Variants in PPP6R3 observed in about 807,000 individuals in gnomAD.
PPP6R3 encodes the protein protein phosphatase 6 regulatory subunit 3.
A neutral mutation model predicts 110.7 loss-of-function variants in PPP6R3; 38 were observed. The ratio of observed to expected loss-of-function variants is 0.34; its 90% CI spans 0.26 to 0.45. The LOEUF (loss-of-function observed/expected upper bound fraction) is 0.45. Among genes scored for constraint, PPP6R3 ranks in the 20% least tolerant of loss-of-function variants. The pLI, the probability that PPP6R3 is intolerant of heterozygous loss-of-function variation, is 1.00. For synonymous variants in PPP6R3, 369 were observed against 373.5 expected, an observed-to-expected ratio of 0.99 and a Z score of 0.14; for missense variants, 870 against 1,062.4, an observed-to-expected ratio of 0.82 and a Z score of 2.52.
intron 1 of PPP6R3, among the ~76,000 whole-genome samples, chr11:68,480,320 TTGATGAG>T (rs1404064906): frequency 2.6e-5 from 4 of 152,242 alleles, no homozygotes; most frequent in Non-Finnish European, 5.9e-5. Context: ...ATGCTCTAAT[TTGATGAG>T]AATGGCCAAA....
intron 1 of PPP6R3, among the ~76,000 whole-genome samples, chr11:68,485,777 C>G (rs2098943058): frequency 6.6e-6 from 1 of 152,156 alleles, no homozygotes; most frequent in Non-Finnish European, 1.5e-5. Context: ...TCACTGCAGC[C>G]TTGGCCTCCT....
chr11:68,527,530 C>T (rs2099205791), intron 2 of PPP6R3, among the ~76,000 whole-genome samples: 1 of 152,206 alleles, frequency 6.6e-6, no homozygotes, highest in South Asian at 2.1e-4. Flanking sequence ...CTGTCCTTCA[C>T]CTTTGTAGGA....
At chr11:68,517,478 A>G (rs1055283209) in intron 1 of PPP6R3, among the ~76,000 whole-genome samples, 1 of 152,188 alleles carries the variant, frequency 6.6e-6, no homozygotes, top group Non-Finnish European at 1.5e-5. Flanking sequence ...GACTCCTTGG[A>G]GAAATGGCAG....
intron 8 of PPP6R3, among the ~76,000 whole-genome samples, chr11:68,562,182 C>T (rs576092088): frequency 4.1e-4 from 62 of 152,116 alleles, no homozygotes; most frequent in African/African-American, 1.3e-3. Flanking sequence ...GAAATTTTTT[C>T]GAAGTATTAT....
At chr11:68,569,261 C>G (rs976574996) in intron 10 of PPP6R3, among the ~76,000 whole-genome samples, 7 of 152,144 alleles carry the variant, frequency 4.6e-5, no homozygotes, top group African/African-American at 1.7e-4. Flanking sequence ...GGCTCTAAAG[C>G]AATACTTCAC....
chr11:68,519,869 G>T (rs1036496675), intron 2 of PPP6R3, among the ~76,000 whole-genome samples: 1 of 152,120 alleles, frequency 6.6e-6, no homozygotes, highest in African/African-American at 2.4e-5. Context: ...GAACTCAAGG[G>T]ATTCTAAGCT....
chr11:68,507,162 C>T (rs1484227024), intron 1 of PPP6R3, among the ~76,000 whole-genome samples: 1 of 151,344 alleles, frequency 6.6e-6, no homozygotes, highest in Admixed American at 6.6e-5. Flanking sequence ...ACTTCAAGTA[C>T]TTTACATACA....
chr11:68,612,506 A>G (rs780206047), intron 23 of PPP6R3, among the ~76,000 whole-genome samples: 4 of 151,822 alleles, frequency 2.6e-5, no homozygotes, highest in Non-Finnish European at 4.4e-5. Flanking sequence ...ATACTGTCCC[A>G]CCTGTTATTC....
chr11:68,562,473 C>A (rs1452033054), intron 8 of PPP6R3, among the ~76,000 whole-genome samples: 3 of 151,986 alleles, frequency 2.0e-5, no homozygotes, highest in Non-Finnish European at 4.4e-5. Flanking sequence ...GTACAGTAGC[C>A]AAAACAATTT....
At chr11:68,525,622 G>A (rs773024038) in intron 2 of PPP6R3, among the ~76,000 whole-genome samples, 1 of 152,184 alleles carries the variant, frequency 6.6e-6, no homozygotes, top group Admixed American at 6.5e-5. Context: ...AAGGAAGATT[G>A]ACGATAATAG....
At chr11:68,582,763 A>C (rs1456285598) in intron 14 of PPP6R3, among the ~76,000 whole-genome samples, 1 of 152,218 alleles carries the variant, frequency 6.6e-6, no homozygotes, top group Admixed American at 6.5e-5. Context: ...AAAATCACTT[A>C]AATGGAGTAA....
chr11:68,547,993 G>T, intron 4 of PPP6R3, 74 bp from the exon 5 acceptor site: 1 of 1,442,442 alleles, frequency 6.9e-7, no homozygotes, highest in Non-Finnish European at 9.4e-7. Flanking sequence ...GAGGAGTCGG[G>T]GTTGGGACTT....
At chr11:68,505,146 TAAG>T (rs1419900881) in intron 1 of PPP6R3, 2 of 152,168 alleles carry the variant, frequency 1.3e-5, no homozygotes, top group Non-Finnish European at 2.9e-5. Flanking sequence ...CATTTACAGA[TAAG>T]AAAACAAGCT....
At chr11:68,475,815 T>A (rs1354644366) in intron 1 of PPP6R3, among the ~76,000 whole-genome samples, 1 of 148,542 alleles carries the variant, frequency 6.7e-6, no homozygotes, top group Non-Finnish European at 1.5e-5. Context: ...GGCTCCTCAC[T>A]TCTCAGACGG....
At chr11:68,603,287 G>A in intron 21 of PPP6R3, 55 bp from the exon 22 acceptor site, 1 of 1,602,942 alleles carries the variant, frequency 6.2e-7, no homozygotes, top group Non-Finnish European at 8.5e-7. Context: ...CAGTGGTGGG[G>A]TGCCAGTTCC....
intron 14 of PPP6R3, among the ~76,000 whole-genome samples, chr11:68,579,699 G>A (rs1002247553): frequency 2.6e-5 from 4 of 152,276 alleles, no homozygotes; most frequent in East Asian, 3.9e-4. Flanking sequence ...ATAATGTTTC[G>A]GTCAGCAATA....
intron 1 of PPP6R3, among the ~76,000 whole-genome samples, chr11:68,463,525 T>C (rs1052880937): frequency 6.6e-6 from 1 of 152,148 alleles, no homozygotes; most frequent in African/African-American, 2.4e-5. Context: ...AGCCTCTGTG[T>C]GTGTTTGTGT....
intron 11 of PPP6R3, 143 bp downstream of exon 11, chr11:68,570,040 T>A (rs1161459815): frequency 1.4e-6 from 1 of 722,222 alleles, no homozygotes; most frequent in African/African-American, 1.8e-5. Context: ...TTCGTTTCAC[T>A]TTTAACATAT....
In PPP6R3 at chr11:68,546,144, T is replaced by A. The variant is rs368353981; in HGVS notation, c.414+1120T>A. 3.9e-5 allele frequency among the ~76,000 whole-genome samples: 6 copies of A among 152,378 alleles called. No individual in the cohort carries two copies. In the South Asian group the frequency reaches 8.3e-4, roughly 21 times the overall value. ...ACTTAATGGAGTAGGATAAGCTTTC[T>A]AAGTTGATTGGAAATGAGATTCTTT... On this transcript the variant is annotated intron_variant, in intron 4 of 23. Transcript: ENST00000393800.
Sources: gnomAD v4.1 joint callset for allele counts (sites outside exome capture counted in the v4.1 genomes callset) on GRCh38, gnomAD v4.1.1 for gene constraint, MANE v1.5 for transcripts, NCBI Gene and HGNC (gene_info 2026-07-23, HGNC 2026-07-21) for gene names.